PRRC2B: variants seen among roughly 807,000 people sequenced by gnomAD.
PRRC2B encodes protein PRRC2B.
Under a neutral mutation model 242.3 loss-of-function variants are expected in PRRC2B, and 68 were observed. The ratio of observed to expected loss-of-function variants is 0.28; its 90% CI spans 0.23 to 0.34. PRRC2B has a LOEUF of 0.34. PRRC2B is among the 10% of genes least tolerant of loss of function. The pLI, the probability that PRRC2B is intolerant of heterozygous loss-of-function variation, is 1.00. For missense variants in PRRC2B, 2,835 were observed against 2,954.8 expected (o/e 0.96, Z 0.94); for synonymous variants, 1,228 against 1,173.6 (o/e 1.05, Z -0.95).
intron 1 of PRRC2B, among the ~76,000 whole-genome samples, chr9:131,376,843 A>C (rs926219682): frequency 6.6e-6 from 1 of 152,020 alleles, no homozygotes; most frequent in African/African-American, 2.4e-5. Flanking sequence ...TCCCATCTCT[A>C]AAATCATTCA....
chr9:131,494,346 G>T lies in PRRC2B; in HGVS notation c.6474-59G>T. 1.1e-6 allele frequency: 1 copy of T among 913,356 alleles called. No individual in the cohort carries two copies. The highest frequency in any genetic ancestry group is 1.5e-5 in the South Asian group (1 of 67,588). 56.6% of individuals were successfully genotyped at this position (913,356 alleles called of 1,614,324 possible). ...GTGCCTCCTCCATGTGCTAGGCTTT[G>T]ACTCCATTTCTGTGGTGACACGTTG... On this transcript the variant is annotated intron_variant, in intron 30 of 31. Transcript: ENST00000683519. This position sits in a 1 kb window ranked among gnomAD's most constrained non-coding sequence, Gnocchi z 4.3.
chr9:131,470,999 T>C lies in PRRC2B; in HGVS notation c.2107+16T>C, dbSNP rs369927297. ...CATCCCTCAGGTAAGCACTGTGGTC[T>C]GACGGTCCATACCTGTATCACCCAG... On this transcript the variant is annotated intron_variant, in intron 14 of 31. Coordinates refer to ENST00000683519, the MANE Select transcript of PRRC2B (RefSeq NM_013318.4). 14 of 1,588,326 alleles carry C rather than the reference T, an allele frequency of 8.8e-6. No individual in the cohort carries two copies. The highest frequency in any genetic ancestry group is 1.4e-5 in the African/African-American group (1 of 73,994).
At chr9:131,427,397 C>A (rs1233293045) in intron 1 of PRRC2B, among the ~76,000 whole-genome samples, 1 of 152,072 alleles carries the variant, frequency 6.6e-6, no homozygotes, top group African/African-American at 2.4e-5. Flanking sequence ...GTGGTGCGAT[C>A]TCAGCTCACT....
chr9:131,447,933 G>A, intron 9 of PRRC2B, 129 bp downstream of exon 9: 1 of 940,936 alleles, frequency 1.1e-6, no homozygotes, highest in South Asian at 2.6e-5. Flanking sequence ...GCCGGACAGG[G>A]AAGCAGACCT....
In PRRC2B at chr9:131,470,171, A is replaced by C. The variant is rs141737630; in HGVS notation, c.1912-617A>C. Among the ~76,000 whole-genome samples the C allele has an allele frequency of 1.5e-3, 226 of 152,314 alleles. 2 individuals are homozygous for C. The highest frequency in any genetic ancestry group is 5.1e-3 in the African/African-American group (213 of 41,576). On this transcript the variant is annotated intron_variant, in intron 13 of 31. Transcript: ENST00000683519. ...AGGGCCAGTCTTGCGAGGCAAAGCT[A>C]GAGAGGCAGACTGGGCAAAGTCACA...
chr9:131,430,595 GTATA>G (rs771525029), intron 2 of PRRC2B, among the ~76,000 whole-genome samples: 10,324 of 138,410 alleles, frequency 0.075, 503 homozygotes, highest in Non-Finnish European at 0.1. Flanking sequence ...GTGTGTGTGT[GTATA>G]TATATGTTTT....
chr9:131,457,594 C>G (rs1943118140), intron 10 of PRRC2B, among the ~76,000 whole-genome samples: 2 of 152,144 alleles, frequency 1.3e-5, no homozygotes, highest in Admixed American at 1.3e-4. Flanking sequence ...AATTGGCTCC[C>G]AAAACTTGCC....
At chr9:131,472,228 T>G (rs534398216) in intron 14 of PRRC2B, among the ~76,000 whole-genome samples, 27 of 152,314 alleles carry the variant, frequency 1.8e-4, no homozygotes, top group Middle Eastern at 3.4e-3. Context: ...CTACAAGATG[T>G]GTATAGCTTT....
At position 131,488,232 on chromosome 9, in the gene PRRC2B, G is replaced by A. The variant is rs760124775; in HGVS notation, c.6225+136G>A. On this transcript the variant is annotated intron_variant, in intron 28 of 31. Coordinates refer to ENST00000683519, the MANE Select transcript of PRRC2B (RefSeq NM_013318.4). The stretch of plus-strand genomic sequence containing the variant: ...GTAGCCACCGTGCCCATTCCTCAGC[G>A]TGCAGGAAATCAGCCTCTTCTGAGT... 6.0e-4 allele frequency: 752 copies of A among 1,250,540 alleles called. 2 individuals are homozygous for A. The highest frequency in any genetic ancestry group is 7.6e-4 in the Non-Finnish European group (705 of 929,546). 77.5% of individuals were successfully genotyped at this position (1,250,540 alleles called of 1,614,324 possible). A position where few individuals can be genotyped will look rare whatever the true frequency, so the allele number is the denominator to read the frequency against.
At position 131,445,253 on chromosome 9, in the gene PRRC2B, C is replaced by T. The variant is rs932630973; in HGVS notation, c.613+925C>T. Among the ~76,000 whole-genome samples, 4 of 152,076 alleles carry T rather than the reference C, an allele frequency of 2.6e-5. No homozygotes were observed. In the South Asian group the frequency reaches 6.2e-4, roughly 24 times the overall value. On this transcript the variant is annotated intron_variant, in intron 6 of 31. Transcript: ENST00000683519. Reference sequence around the variant, plus strand: ...TCTGCTCACTGCAACCTCCGCCTCCCGGGTTCAAGTGATTCTCCTGCCTCA... The same window carrying T: ...TCTGCTCACTGCAACCTCCGCCTCCTGGGTTCAAGTGATTCTCCTGCCTCA...
chr9:131,448,936 C>T lies in PRRC2B; in HGVS notation c.1120+1132C>T, dbSNP rs115662709. 9.1e-3 allele frequency among the ~76,000 whole-genome samples: 1,383 copies of T among 152,306 alleles called. 29 individuals carry two copies. Among genetic ancestry groups the T allele is most frequent in the African/African-American group, 0.032 (1,310 of 41,562 alleles). On this transcript the variant is annotated intron_variant, in intron 9 of 31. Transcript: ENST00000683519. ...ACATTTCCCTCACCACCGCAGGCTT[C>T]CTCATTGCTTCTCCAGTGCTCTGCC... is the stretch of plus-strand genomic sequence containing the variant.
chr9:131,461,478 G>C (rs529901008), intron 11 of PRRC2B, among the ~76,000 whole-genome samples: 30 of 152,338 alleles, frequency 2.0e-4, no homozygotes, highest in African/African-American at 5.5e-4. Flanking sequence ...GAGGGCTGGG[G>C]AAGGGGGAGT....
At chr9:131,396,512 G>A (rs1364404663) in intron 1 of PRRC2B, among the ~76,000 whole-genome samples, 1 of 151,818 alleles carries the variant, frequency 6.6e-6, no homozygotes, top group Non-Finnish European at 1.5e-5. Context: ...TTTTAGTAGA[G>A]ACAGGGTTTC....
intron 1 of PRRC2B, among the ~76,000 whole-genome samples, chr9:131,378,485 C>T (rs1410518118): frequency 1.3e-5 from 2 of 152,054 alleles, no homozygotes; most frequent in Admixed American, 1.3e-4. Flanking sequence ...GATAATTGGG[C>T]TTCCTTGGAC....
At chr9:131,480,462 G>A (rs972469998) in intron 19 of PRRC2B, among the ~76,000 whole-genome samples, 1 of 152,196 alleles carries the variant, frequency 6.6e-6, no homozygotes, top group African/African-American at 2.4e-5. Context: ...GCTGCCAGGT[G>A]TGAATCAGAT....
At chr9:131,492,574 T>G (rs1402442952) in intron 30 of PRRC2B, among the ~76,000 whole-genome samples, 1 of 152,172 alleles carries the variant, frequency 6.6e-6, no homozygotes, top group Non-Finnish European at 1.5e-5. Context: ...GACTTCCCAT[T>G]AGATCCTAAA....
chr9:131,395,033 G>C (rs1008679675), intron 1 of PRRC2B, among the ~76,000 whole-genome samples: 2 of 151,824 alleles, frequency 1.3e-5, no homozygotes, highest in Non-Finnish European at 2.9e-5. Flanking sequence ...TGAAACTGTG[G>C]GCCTCTGAAG....
At chr9:131,374,050 C>T (rs993423186) in intron 1 of PRRC2B, among the ~76,000 whole-genome samples, 1 of 136,540 alleles carries the variant, frequency 7.3e-6, no homozygotes, top group Non-Finnish European at 1.6e-5. Flanking sequence ...CAGAGCGAGA[C>T]TCCGTCTCAA....
chr9:131,458,821 G>A (rs1943159052), intron 10 of PRRC2B, among the ~76,000 whole-genome samples: 1 of 152,170 alleles, frequency 6.6e-6, no homozygotes, highest in South Asian at 2.1e-4. Flanking sequence ...AATGTTTTAA[G>A]AAAGTTTACG....
Sources: allele counts gnomAD v4.1 joint callset (sites outside exome capture counted in the v4.1 genomes callset), GRCh38; gene constraint gnomAD v4.1.1; non-coding constraint Gnocchi (gnomAD v3.1); transcripts MANE v1.5; gene names NCBI Gene and HGNC (gene_info 2026-07-23, HGNC 2026-07-21).